The following VEPH1 variants were observed in gnomAD, a reference collection of about 807,000 sequenced individuals.
VEPH1 encodes ventricular zone-expressed PH domain-containing protein homolog 1.
In VEPH1, 80 loss-of-function variants were observed where a neutral mutation model predicts 85.2. The ratio of observed to expected loss-of-function variants is 0.94; its 90% CI spans 0.78 to 1.13. The LOEUF (loss-of-function observed/expected upper bound fraction) is 1.13, where lower values mean the gene tolerates loss of function less well. Among genes scored for constraint, VEPH1 ranks in the 50% most tolerant of loss-of-function variants. VEPH1 has a pLI of 0.00. For missense variants in VEPH1, 955 were observed against 980.5 expected (o/e 0.97, Z 0.35); for synonymous variants, 297 against 348.0 (o/e 0.85, Z 1.63).
intron 1 of VEPH1, chr3:157,499,249 T>C (rs1452069146): frequency 7.9e-6 from 1 of 126,792 alleles, no homozygotes; most frequent in Non-Finnish European, 1.6e-5. Context: ...TTCTCATTAT[T>C]TAGTTTTTTT....
intron 11 of VEPH1, among the ~76,000 whole-genome samples, chr3:157,312,904 T>A (rs552982216): frequency 3.3e-3 from 404 of 124,070 alleles, no homozygotes; most frequent in African/African-American, 0.012. Flanking sequence ...AAAAACATTT[T>A]TTTTTTTTTT....
chr3:157,294,140 G>A (rs947436495), intron 11 of VEPH1, among the ~76,000 whole-genome samples: 3 of 152,110 alleles, frequency 2.0e-5, no homozygotes, highest in Non-Finnish European at 4.4e-5. Context: ...ATTTGGAGAG[G>A]CTTTTTTTCC....
intron 3 of VEPH1, among the ~76,000 whole-genome samples, chr3:157,462,795 A>C (rs1736003234): frequency 6.6e-6 from 1 of 152,176 alleles, no homozygotes; most frequent in Non-Finnish European, 1.5e-5. Context: ...AGGTGCTTCT[A>C]ATGAAGGCAT....
chr3:157,445,998 T>G (rs1314057618), intron 4 of VEPH1, among the ~76,000 whole-genome samples: 3 of 152,162 alleles, frequency 2.0e-5, no homozygotes, highest in Non-Finnish European at 4.4e-5. Flanking sequence ...ATAAGAAATG[T>G]GCAAAACTGA....
intron 4 of VEPH1, among the ~76,000 whole-genome samples, chr3:157,454,252 T>G (rs1366998497): frequency 6.6e-6 from 1 of 152,184 alleles, no homozygotes; most frequent in Non-Finnish European, 1.5e-5. Context: ...AATTGGTGAT[T>G]TAATCCCGTG....
At chr3:157,346,638 C>T (rs1422221757) in intron 9 of VEPH1, among the ~76,000 whole-genome samples, 1 of 151,888 alleles carries the variant, frequency 6.6e-6, no homozygotes, top group African/African-American at 2.4e-5. Context: ...GACAAGATCT[C>T]ACTTCATTGC....
chr3:157,417,038 A>C (rs1191404198), intron 5 of VEPH1, among the ~76,000 whole-genome samples: 1 of 152,080 alleles, frequency 6.6e-6, no homozygotes, highest in Admixed American at 6.5e-5. Context: ...TAAACTAAAT[A>C]ATAACAATTT....
At chr3:157,351,418 T>C (rs1724855724) in intron 9 of VEPH1, among the ~76,000 whole-genome samples, 1 of 151,086 alleles carries the variant, frequency 6.6e-6, no homozygotes, top group Non-Finnish European at 1.5e-5. Context: ...GGTCTCAAAC[T>C]CCTGGCCTCA....
chr3:157,440,146 T>G (rs571380729), intron 4 of VEPH1, among the ~76,000 whole-genome samples: 1 of 152,236 alleles, frequency 6.6e-6, no homozygotes, highest in Non-Finnish European at 1.5e-5. Context: ...GAAGAAAAGA[T>G]GTACCTAGCA....
At position 157,495,292 on chromosome 3, in the gene VEPH1, G is replaced by A; in HGVS notation, c.58C>T (p.Leu20Phe). 1 of 1,614,016 alleles carries A rather than the reference G, an allele frequency of 6.2e-7. No homozygotes were observed. Among genetic ancestry groups the A allele is most frequent in the Non-Finnish European group, 8.5e-7 (1 of 1,179,908 alleles). ...GQKDLSRAGD[L>F]FSLDDSEIED... ...ATCTCAGAGTCATCTAAGGAGAAGA[G>A]GTCCCCAGCTCGTGAAAGATCTTTT... The change falls in exon 2 of 14, where the codon CTC becomes TTC. Residue 20 changes from leucine to phenylalanine, a missense_variant. By Grantham distance (22) the Leu-to-Phe change is conservative. Transcript: ENST00000362010.
intron 4 of VEPH1, among the ~76,000 whole-genome samples, chr3:157,433,038 G>C (rs1733287235): frequency 6.6e-6 from 1 of 152,044 alleles, no homozygotes; most frequent in South Asian, 2.1e-4. Context: ...TTTATCTGCT[G>C]GTATTAATAA....
chr3:157,260,756 C>T lies in VEPH1; in HGVS notation c.*378G>A, dbSNP rs1240604911. On this transcript the variant is annotated 3_prime_UTR_variant, in exon 14 of 14. Transcript: ENST00000362010. ...TGTGATTTTCATCAGAAGTGCTAAT[C>T]TTTCCTCAGGATGGAGAGTTCAGGC... The T allele has an allele frequency of 3.7e-5, 6 of 162,086 alleles. No homozygotes were observed. In the Admixed American group the frequency reaches 3.8e-4, roughly 10 times the overall value. 10.0% of individuals were successfully genotyped at this position (162,086 alleles called of 1,614,324 possible).
At chr3:157,489,020 C>T (rs1201234869) in intron 2 of VEPH1, 7 of 415,874 alleles carry the variant, frequency 1.7e-5, no homozygotes, top group Non-Finnish European at 3.4e-5. Flanking sequence ...TTGGTCCTAT[C>T]TTCAAAATAC....
At chr3:157,376,565 T>C (rs555144311) in intron 7 of VEPH1, among the ~76,000 whole-genome samples, 4 of 152,366 alleles carry the variant, frequency 2.6e-5, no homozygotes, top group African/African-American at 9.6e-5. Context: ...AAAATATAAA[T>C]GCTTTGCTTG....
intron 8 of VEPH1, 56 bp from the exon 9 acceptor site, chr3:157,363,817 G>T: frequency 6.4e-7 from 1 of 1,556,100 alleles, no homozygotes; most frequent in Non-Finnish European, 8.7e-7. Context: ...CACTGACAAG[G>T]AAAAGAAATA....
chr3:157,413,423 T>C (rs1731671381), intron 6 of VEPH1: 1 of 967,992 alleles, frequency 1.0e-6, no homozygotes, highest in African/African-American at 1.8e-5. Flanking sequence ...CATTAAAGGG[T>C]AGTCTATGAA....
At chr3:157,472,668 TC>T (rs1224049244) in intron 2 of VEPH1, among the ~76,000 whole-genome samples, 1 of 152,168 alleles carries the variant, frequency 6.6e-6, no homozygotes, top group East Asian at 1.9e-4. Flanking sequence ...CTCTCCTTCC[TC>T]CCACCATCTA....
intron 9 of VEPH1, among the ~76,000 whole-genome samples, chr3:157,361,285 A>G (rs1486480221): frequency 6.6e-6 from 1 of 152,224 alleles, no homozygotes; most frequent in Non-Finnish European, 1.5e-5. Context: ...AAGTTAGTGC[A>G]AACACTTTTG....
At chr3:157,346,172 A>T (rs543332259) in intron 9 of VEPH1, among the ~76,000 whole-genome samples, 16 of 151,992 alleles carry the variant, frequency 1.1e-4, no homozygotes, top group South Asian at 8.3e-4. Flanking sequence ...GAACTTAATT[A>T]AAAAAAAGTC....
Sources: gnomAD v4.1 joint callset for allele counts (sites outside exome capture counted in the v4.1 genomes callset) on GRCh38, gnomAD v4.1.1 for gene constraint, MANE v1.5 for transcripts, NCBI Gene and HGNC (gene_info 2026-07-23, HGNC 2026-07-21) for gene names.